The following HNMT variants were observed in gnomAD, a reference collection of about 807,000 sequenced individuals.
The protein encoded by HNMT is histamine N-methyltransferase.
HNMT carries 30 observed loss-of-function variants against 32.1 expected under a neutral mutation model. The ratio of observed to expected loss-of-function variants is 0.93; its 90% confidence interval spans 0.70 to 1.27. HNMT has a LOEUF of 1.27. Among genes scored for constraint, HNMT ranks in the 50% most tolerant of loss-of-function variants. The pLI is 0.00. For missense variants in HNMT, 327 were observed against 346.0 expected (o/e 0.95, Z 0.43); for synonymous variants, 125 against 119.0 (o/e 1.05, Z -0.33).
chr2:137,976,292 A>C (rs1236503005), intron 2 of HNMT, among the ~76,000 whole-genome samples: 3 of 151,554 alleles, frequency 2.0e-5, no homozygotes, highest in Admixed American at 1.3e-4. Flanking sequence ...AAAAAAAAAA[A>C]ACCTGTCTAT....
rs546090485 is a variant in HNMT, at chr2:138,015,617, C to T, written c.*1487C>T. The T allele has an allele frequency of 3.3e-5, 5 of 152,038 alleles. No individual in the cohort carries two copies. Among genetic ancestry groups the T allele is most frequent in the South Asian group, 2.1e-4 (1 of 4,822 alleles). 9.4% of individuals were successfully genotyped at this position (152,038 alleles called of 1,614,324 possible). ...GAATTATATGTTTCAACAAATGAAA[C>T]GACAGTTATCCAATCAGATTCCTGA... On this transcript the variant is annotated 3_prime_UTR_variant, in exon 6 of 6. Coordinates refer to ENST00000280097, the MANE Select transcript of HNMT (RefSeq NM_006895.3).
chr2:137,964,530 G>C lies in HNMT; in HGVS notation c.39G>C (p.Gly13=). ...TGAGGAGCTTGTTTTCTGACCACGG[G>C]AAATATGTTGAATCTTTCCGGAGGT... The part of the protein sequence containing the change: ...SSMRSLFSDH[G]KYVESFRRFL... The change falls in exon 1 of 6, where the codon GGG becomes GGC. Residue 13 remains glycine, a synonymous_variant. Coordinates refer to ENST00000280097, the MANE Select transcript of HNMT (RefSeq NM_006895.3). The C allele has an allele frequency of 3.1e-6, 5 of 1,613,794 alleles. No homozygotes were observed. Among genetic ancestry groups the C allele is most frequent in the Non-Finnish European group, 4.2e-6 (5 of 1,179,782 alleles).
chr2:138,002,856 T>C (rs1681217035), intron 4 of HNMT: 1 of 800,606 alleles, frequency 1.2e-6, no homozygotes, highest in African/African-American at 1.9e-5. Context: ...TGTCCCAGAG[T>C]GTTTCTGTAG....
chr2:137,968,175 G>A (rs945905947), intron 1 of HNMT, among the ~76,000 whole-genome samples: 2 of 152,070 alleles, frequency 1.3e-5, no homozygotes, highest in African/African-American at 4.8e-5. Context: ...AGGGCTTGGG[G>A]GCAGGAAAAA....
intron 2 of HNMT, among the ~76,000 whole-genome samples, chr2:137,995,069 G>A (rs1409147487): frequency 6.6e-6 from 1 of 152,044 alleles, no homozygotes; most frequent in African/African-American, 2.4e-5. Flanking sequence ...AAAGCCTGAA[G>A]ATCTCAAGTT....
intron 5 of HNMT, among the ~76,000 whole-genome samples, chr2:138,013,213 G>A (rs558060113): frequency 7.2e-5 from 11 of 152,170 alleles, no homozygotes; most frequent in Admixed American, 2.6e-4. Flanking sequence ...GATATCGAAC[G>A]TGTCCATTGG....
intron 1 of HNMT, among the ~76,000 whole-genome samples, chr2:137,966,749 C>G (rs928399962): frequency 2.3e-5 from 3 of 132,178 alleles, no homozygotes; most frequent in Admixed American, 8.6e-5. Context: ...AAGGGAACAA[C>G]TTTTCTGAAG....
intron 3 of HNMT, among the ~76,000 whole-genome samples, chr2:138,001,692 GT>G (rs1340389225): frequency 3.9e-5 from 6 of 152,108 alleles, no homozygotes; most frequent in African/African-American, 1.4e-4. Flanking sequence ...ACAAAAATAA[GT>G]AGCAGGCTAG....
intron 2 of HNMT, among the ~76,000 whole-genome samples, chr2:137,997,351 A>T (rs1399746060): frequency 2.0e-5 from 3 of 152,178 alleles, no homozygotes; most frequent in Non-Finnish European, 4.4e-5. Flanking sequence ...CCCCATCAAA[A>T]ACTGGACAAA....
chr2:137,995,550 G>C (rs1320176315), intron 2 of HNMT, among the ~76,000 whole-genome samples: 1 of 152,118 alleles, frequency 6.6e-6, no homozygotes, highest in Non-Finnish European at 1.5e-5. Flanking sequence ...AGAAAGCCCA[G>C]GACCAGATGG....
chr2:137,981,697 A>G, intron 2 of HNMT: 2 of 318,656 alleles, frequency 6.3e-6, no homozygotes, highest in Non-Finnish European at 1.2e-5. Context: ...TAATGCCTGT[A>G]ATCTTTACAA....
intron 5 of HNMT, among the ~76,000 whole-genome samples, chr2:138,007,987 C>T (rs1416018950): frequency 3.3e-5 from 5 of 151,960 alleles, no homozygotes; most frequent in Admixed American, 6.6e-5. Flanking sequence ...TATTGCAACC[C>T]TCTTTTTTAA....
At position 138,014,126 on chromosome 2, in the gene HNMT, C is replaced by A; in HGVS notation, c.875C>A (p.Ala292Glu). The A allele has an allele frequency of 6.7e-7, 1 of 1,492,508 alleles. No homozygotes were observed. Among genetic ancestry groups the A allele is most frequent in the Non-Finnish European group, 9.2e-7 (1 of 1,091,150 alleles). 92.5% of individuals were successfully genotyped at this position (1,492,508 alleles called of 1,614,324 possible). The part of the protein sequence containing the change: ...NNTLSFIVIE[A>E] Reference sequence around the variant, plus strand: ...ACTCTGAGTTTCATAGTGATTGAGGCATAACTATCAATCACAAAAGTATAT... The same window carrying A: ...ACTCTGAGTTTCATAGTGATTGAGGAATAACTATCAATCACAAAAGTATAT... Residue 292 changes from alanine to glutamate, a missense_variant, in exon 6 of 6, where the codon GCA becomes GAA. Coordinates refer to ENST00000280097, the MANE Select transcript of HNMT (RefSeq NM_006895.3).
intron 4 of HNMT, chr2:138,002,731 G>A: frequency 2.3e-6 from 2 of 875,690 alleles, no homozygotes; most frequent in Non-Finnish European, 2.7e-6. Flanking sequence ...ACAGGTGTGA[G>A]CCACTGCACC....
chr2:137,989,292 C>T (rs1680745195), intron 2 of HNMT, among the ~76,000 whole-genome samples: 1 of 152,192 alleles, frequency 6.6e-6, no homozygotes, highest in Admixed American at 6.5e-5. Context: ...ATAATTTTGT[C>T]TTTTCCAGAA....
chr2:138,010,441 G>GCA (rs56391028), intron 5 of HNMT, among the ~76,000 whole-genome samples: 39,916 of 125,258 alleles, frequency 0.32, 6,120 homozygotes, highest in Non-Finnish European at 0.39. Context: ...AAAGACACAC[G>GCA]CACACACACA....
chr2:137,969,787 G>A (rs1045345554), intron 1 of HNMT, among the ~76,000 whole-genome samples: 1 of 152,060 alleles, frequency 6.6e-6, no homozygotes. Flanking sequence ...AGGAAAGAAG[G>A]CAAACATTAT....
intron 1 of HNMT, among the ~76,000 whole-genome samples, chr2:137,967,897 TTTC>T (rs1354340911): frequency 3.3e-5 from 5 of 152,202 alleles, no homozygotes; most frequent in African/African-American, 1.2e-4. Context: ...TCCATCTCTG[TTTC>T]TTATGTTAGA....
At chr2:138,012,511 A>T (rs1009625083) in intron 5 of HNMT, among the ~76,000 whole-genome samples, 2 of 152,084 alleles carry the variant, frequency 1.3e-5, no homozygotes, top group Non-Finnish European at 2.9e-5. Flanking sequence ...TGAGAGTAAA[A>T]AATCATTGAT....
Sources: gnomAD v4.1 joint callset for allele counts (sites outside exome capture counted in the v4.1 genomes callset) on GRCh38, gnomAD v4.1.1 for gene constraint, MANE v1.5 for transcripts, NCBI Gene and HGNC (gene_info 2026-07-23, HGNC 2026-07-21) for gene names.